Variants in KNDC1 observed in about 807,000 individuals in gnomAD.
KNDC1 encodes kinase non-catalytic C-lobe domain-containing protein 1.
A neutral mutation model predicts 172.8 loss-of-function variants in KNDC1; 106 were observed. The observed-to-expected ratio is 0.61, with a 90% CI of 0.52 to 0.72. KNDC1 has a LOEUF of 0.72. Ranked by LOEUF, KNDC1 falls within the 30% of genes least tolerant of loss-of-function variation. The pLI is 0.00. For synonymous variants in KNDC1, 1,083 were observed against 1,062.2 expected, an observed-to-expected ratio of 1.02 and a Z score of -0.38; for missense variants, 2,325 against 2,394.5, an observed-to-expected ratio of 0.97 and a Z score of 0.61.
rs1021225648 is a variant in KNDC1, at chr10:133,186,785, C to T, written c.1326+111C>T. 2.8e-5 allele frequency: 21 copies of T among 741,376 alleles called. No homozygotes were observed. In the East Asian group the frequency reaches 5.7e-4, roughly 20 times the overall value. 45.9% of individuals were successfully genotyped at this position (741,376 alleles called of 1,614,324 possible). On this transcript the variant is annotated intron_variant, in intron 6 of 29. Coordinates refer to ENST00000304613, the MANE Select transcript of KNDC1 (RefSeq NM_152643.8). Reference sequence around the variant, plus strand: ...GTTTAACTCAGAGAATTAACCTTCACCCTCGCTCCATAATTAAAGACATTT... The same window carrying T: ...GTTTAACTCAGAGAATTAACCTTCATCCTCGCTCCATAATTAAAGACATTT...
chr10:133,161,477 AC>A (rs1419769157), intron 1 of KNDC1, among the ~76,000 whole-genome samples: 3 of 151,844 alleles, frequency 2.0e-5, no homozygotes, highest in Non-Finnish European at 4.4e-5. Context: ...CGCGGGCCTG[AC>A]CCCCTCGCAG....
chr10:133,197,147 C>T lies in KNDC1; in HGVS notation c.1812+12C>T, dbSNP rs774627656. 6.2e-7 allele frequency: 1 copy of T among 1,609,144 alleles called. No individual in the cohort carries two copies. The highest frequency in any genetic ancestry group is 2.2e-5 in the East Asian group (1 of 44,770). On this transcript the variant is annotated intron_variant, in intron 11 of 29. Transcript: ENST00000304613. The stretch of plus-strand genomic sequence containing the variant: ...CTTCCATCTGCCAGGTGGGCTAGAA[C>T]AGCCAGGCCGCCGCCTCCTCCGCCG...
At chr10:133,162,627 T>G (rs1197391991) in intron 1 of KNDC1, among the ~76,000 whole-genome samples, 2 of 152,164 alleles carry the variant, frequency 1.3e-5, no homozygotes, top group African/African-American at 4.8e-5. Flanking sequence ...CTCATTGCAA[T>G]CAGGAAAATG....
chr10:133,212,144 A>G (rs1386881990), intron 23 of KNDC1, among the ~76,000 whole-genome samples: 1 of 150,342 alleles, frequency 6.7e-6, no homozygotes, highest in Non-Finnish European at 1.5e-5. Context: ...GTGCACCTTC[A>G]CACAGCCATA....
chr10:133,196,612 C>T (rs112523261), intron 10 of KNDC1, among the ~76,000 whole-genome samples: 8,693 of 152,288 alleles, frequency 0.057, 781 homozygotes, highest in African/African-American at 0.19. Flanking sequence ...GAGATCTAGA[C>T]ACGGCTGGGC....
intron 1 of KNDC1, among the ~76,000 whole-genome samples, chr10:133,161,045 G>A (rs544426291): frequency 5.3e-5 from 8 of 152,082 alleles, no homozygotes; most frequent in African/African-American, 1.9e-4. Context: ...CTGCTCTCTG[G>A]TTTTCCGGGC....
Position 133,198,449 on chromosome 10 carries a change from G to A in KNDC1, c.2019G>A (p.Glu673=). The part of the protein sequence containing the change: ...ATQLPAAFTS[E]ATHFKPIVLA... The stretch of plus-strand genomic sequence containing the variant: ...AGCTGCCTGCAGCGTTCACCTCCGA[G>A]GCCACGCACTTCAAGCCCATTGTCC... The change falls in exon 13 of 30, where the codon GAG becomes GAA. Residue 673 remains glutamate (E), a synonymous_variant. Transcript: ENST00000304613. 6.2e-7 allele frequency: 1 copy of A among 1,605,096 alleles called. No homozygotes were observed. The highest frequency in any genetic ancestry group is 8.5e-7 in the Non-Finnish European group (1 of 1,176,334).
chr10:133,192,622 A>G (rs1267284188), intron 9 of KNDC1, among the ~76,000 whole-genome samples: 1 of 152,214 alleles, frequency 6.6e-6, no homozygotes, highest in Non-Finnish European at 1.5e-5. Flanking sequence ...AAAGAAAAAG[A>G]AAAAGCTAAT....
At position 133,222,443 on chromosome 10, in the gene KNDC1, CGG is replaced by C. The variant is rs1296174179; in HGVS notation, c.5019-2215_5019-2214del. Among the ~76,000 whole-genome samples the C allele has an allele frequency of 2.8e-3, 252 of 89,946 alleles. 2 individuals carry two copies. The highest frequency in any genetic ancestry group is 8.4e-3 in the African/African-American group (232 of 27,502). 59.0% of individuals were successfully genotyped at this position (89,946 alleles called of 152,430 possible). On this transcript the variant is annotated intron_variant, in intron 29 of 29. Coordinates refer to ENST00000304613, the MANE Select transcript of KNDC1 (RefSeq NM_152643.8). ...AGAGCCCATCCAGGCATGCTCTTCC[CGG>C]CGTGTGTGTGTGTGTGTGAGAGCCC...
At chr10:133,207,047 T>C in intron 19 of KNDC1, 90 bp from the exon 20 acceptor site, 1 of 1,532,952 alleles carries the variant, frequency 6.5e-7, no homozygotes, top group Non-Finnish European at 9.0e-7. Context: ...CGTGTGAAGT[T>C]ATAAAAGGGG....
intron 3 of KNDC1, among the ~76,000 whole-genome samples, chr10:133,183,020 ATGGGTGCGAGCAGCATGGGCGGCG>A (rs1253174993): frequency 1.4e-5 from 2 of 143,318 alleles, no homozygotes; most frequent in East Asian, 4.1e-4. Flanking sequence ...CATGGGTGGC[ATGGGTGCGAGCAGCATGGGCGGCG>A]TGGGTACAAG....
intron 5 of KNDC1, among the ~76,000 whole-genome samples, chr10:133,185,448 G>A (rs1160709167): frequency 3.4e-5 from 5 of 145,236 alleles, no homozygotes; most frequent in African/African-American, 1.0e-4. Context: ...GTGTGGAATA[G>A]GCAGTGTGTG....
In KNDC1 at chr10:133,167,411, C is replaced by T; in HGVS notation, c.133C>T (p.Leu45=). 3 of 1,599,802 alleles carry T rather than the reference C, an allele frequency of 1.9e-6. No homozygotes were observed. Among genetic ancestry groups the T allele is most frequent in the Non-Finnish European group, 2.6e-6 (3 of 1,175,026 alleles). Residue 45 remains leucine (L), a synonymous_variant, in exon 2 of 30, where the codon CTG becomes TTG. Coordinates refer to ENST00000304613, the MANE Select transcript of KNDC1 (RefSeq NM_152643.8). The part of the protein sequence containing the change: ...ENVSLADILS[L]RDRGLSEQEA... ...CGTGTCTCTGGCTGACATCCTCTCC[C>T]TGCGGGACCGCGGCCTCAGCGAGCA...
At chr10:133,162,253 T>C (rs963896038) in intron 1 of KNDC1, among the ~76,000 whole-genome samples, 7 of 152,150 alleles carry the variant, frequency 4.6e-5, no homozygotes, top group Non-Finnish European at 7.3e-5. Context: ...GTTCAGACTC[T>C]GCTTCCCACA....
At position 133,183,446 on chromosome 10, in the gene KNDC1, A is replaced by G. The variant is rs11101619; in HGVS notation, c.463A>G (p.Ser155Gly). ...RLSQDLEALL[S>G]RMQAEDPGDR... ...GAGCCAAGACCTCGAGGCGCTGCTG[A>G]GCCGGATGCAGGCGGAGGACCCCGG... The change falls in exon 4 of 30, where the codon AGC (serine) becomes GGC (glycine). Residue 155 changes from serine (S) to glycine (G), a missense_variant. Coordinates refer to ENST00000304613, the MANE Select transcript of KNDC1 (RefSeq NM_152643.8). 0.027 allele frequency: 43,014 copies of G among 1,605,786 alleles called. 650 individuals are homozygous for G. Among genetic ancestry groups the G allele is most frequent in the Middle Eastern group, 0.032 (153 of 4,840 alleles).
chr10:133,167,450 G>A lies in KNDC1; in HGVS notation c.172G>A (p.Val58Met), dbSNP rs201943318. 7.5e-6 allele frequency: 12 copies of A among 1,606,074 alleles called. No individual in the cohort carries two copies. Among genetic ancestry groups the A allele is most frequent in the Admixed American group, 1.7e-5 (1 of 59,076 alleles). ...RGLSEQEAWAVCLECSLSMRS... is the reference protein window; with the variant it reads ...RGLSEQEAWAMCLECSLSMRS... ...CCTCAGCGAGCAGGAAGCCTGGGCC[G>A]TGTGCCTGGAGTGCAGCCTGTCCAT... The change falls in exon 2 of 30, where the codon GTG becomes ATG. Residue 58 changes from valine (V) to methionine (M), a missense_variant. Val to Met is a conservative substitution (Grantham distance 21). Transcript: ENST00000304613.
At chr10:133,182,995 C>T (rs982574793) in intron 3 of KNDC1, among the ~76,000 whole-genome samples, 9 of 149,340 alleles carry the variant, frequency 6.0e-5, no homozygotes, top group Admixed American at 3.3e-4. Context: ...GCGGCGTGGG[C>T]ACAGGCGGCA....
At chr10:133,170,628 A>G (rs1313696135) in intron 3 of KNDC1, among the ~76,000 whole-genome samples, 1 of 152,242 alleles carries the variant, frequency 6.6e-6, no homozygotes, top group Non-Finnish European at 1.5e-5. Context: ...TAAGTTATCT[A>G]TTAATTCATT....
Position 133,189,472 on chromosome 10 carries a change from C to T in KNDC1, c.1442-126C>T, listed in dbSNP as rs549394384. ...GGCCATGTGCGTGCACTGGCAGGTG[C>T]GTGCCCGTGCAATGGGGAGGCTGGG... On this transcript the variant is annotated intron_variant, in intron 7 of 29. Coordinates refer to ENST00000304613, the MANE Select transcript of KNDC1 (RefSeq NM_152643.8). 1.7e-4 allele frequency: 143 copies of T among 853,594 alleles called. 1 individual carries two copies. The highest frequency in any genetic ancestry group is 1.5e-3 in the South Asian group (92 of 62,544). The allele number at this position is 853,594 out of a possible 1,614,324, so 52.9% of individuals were successfully genotyped here. A position where few individuals can be genotyped will look rare whatever the true frequency, so the allele number is the denominator to read the frequency against.
Sources: allele counts gnomAD v4.1 joint callset (sites outside exome capture counted in the v4.1 genomes callset), GRCh38; gene constraint gnomAD v4.1.1; transcripts MANE v1.5; gene names NCBI Gene and HGNC (gene_info 2026-07-23, HGNC 2026-07-21).